Variants in EYS observed in about 807,000 individuals in gnomAD.
EYS encodes EGF-like photoreceptor maintenance factor, also known as protein eyes shut homolog.
A neutral mutation model predicts 282.1 loss-of-function variants in EYS; 250 were observed. The observed-to-expected ratio is 0.89, with a 90% CI of 0.80 to 0.98. The LOEUF is 0.98. Ranked by LOEUF, EYS falls within the 50% of genes least tolerant of loss-of-function variation. EYS has a pLI of 0.00. For synonymous variants in EYS, 1,355 were observed against 1,282.9 expected (o/e 1.06, Z -1.20); for missense variants, 4,016 against 3,709.0 (o/e 1.08, Z -2.15).
chr6:65,525,804 G>C (rs1348949932), intron 2 of EYS, among the ~76,000 whole-genome samples: 1 of 152,176 alleles, frequency 6.6e-6, no homozygotes, highest in Non-Finnish European at 1.5e-5. Flanking sequence ...TAGCTCAGAA[G>C]TCTTGATTGT....
Position 64,559,297 on chromosome 6 carries a change from G to GTGTC in EYS, c.5644+30925_5644+30926insGACA, listed in dbSNP as rs1765327961. ...TGTGTGTGTGTGTGTGTGTGTGTGT[G>GTGTC]TGTGTGTGCTTTTAGAGACCTAGTC... is the stretch of plus-strand genomic sequence containing the variant. On this transcript the variant is annotated intron_variant, in intron 26 of 42. Coordinates refer to ENST00000503581, the MANE Select transcript of EYS (RefSeq NM_001142800.2). 3.3e-5 allele frequency among the ~76,000 whole-genome samples: 5 copies of GTGTC among 151,414 alleles called. No homozygotes were observed. In the South Asian group the frequency reaches 1.0e-3, roughly 32 times the overall value.
At chr6:64,854,430 A>T (rs2150044013) in intron 19 of EYS, among the ~76,000 whole-genome samples, 1 of 152,196 alleles carries the variant, frequency 6.6e-6, no homozygotes, top group African/African-American at 2.4e-5. Flanking sequence ...GGATGAGTTC[A>T]TGTTCTTTGT....
At chr6:64,634,292 T>C (rs1383967013) in intron 22 of EYS, among the ~76,000 whole-genome samples, 1 of 152,212 alleles carries the variant, frequency 6.6e-6, no homozygotes, top group Non-Finnish European at 1.5e-5. Context: ...TAAATGCTTG[T>C]TGTTTAAACA....
At chr6:64,535,375 G>A (rs2149795769) in intron 26 of EYS, among the ~76,000 whole-genome samples, 1 of 152,214 alleles carries the variant, frequency 6.6e-6, no homozygotes, top group African/African-American at 2.4e-5. Flanking sequence ...AACTCAAGTT[G>A]AAGAACAGAA....
intron 41 of EYS, among the ~76,000 whole-genome samples, chr6:63,761,572 AT>A (rs1769642984): frequency 6.6e-6 from 1 of 152,194 alleles, no homozygotes; most frequent in East Asian, 1.9e-4. Context: ...ACACATATGA[AT>A]ATGATACTAC....
At chr6:64,307,797 CCA>C (rs1769510521) in intron 29 of EYS, among the ~76,000 whole-genome samples, 1 of 151,072 alleles carries the variant, frequency 6.6e-6, no homozygotes, top group African/African-American at 2.4e-5. Context: ...ATTTTACTAC[CCA>C]TATGTATCTC....
intron 35 of EYS, among the ~76,000 whole-genome samples, chr6:63,865,223 G>A (rs1772643629): frequency 2.0e-5 from 3 of 152,210 alleles, no homozygotes; most frequent in Admixed American, 2.0e-4. Context: ...TTGCTACACT[G>A]GTAATTGATG....
At chr6:63,825,354 G>T (rs1771431868) in intron 36 of EYS, among the ~76,000 whole-genome samples, 1 of 152,178 alleles carries the variant, frequency 6.6e-6, no homozygotes, top group Non-Finnish European at 1.5e-5. Flanking sequence ...ATAATCTTGG[G>T]AGTTCTAGGG....
intron 13 of EYS, among the ~76,000 whole-genome samples, chr6:65,009,647 G>A (rs1469449251): frequency 2.0e-5 from 3 of 152,026 alleles, no homozygotes; most frequent in African/African-American, 7.2e-5. Context: ...TCTCATACCT[G>A]GACACTCTTG....
chr6:64,432,754 T>C (rs1200666589), intron 28 of EYS, among the ~76,000 whole-genome samples: 2 of 151,952 alleles, frequency 1.3e-5, no homozygotes, highest in African/African-American at 4.8e-5. Context: ...ATGTTCTACC[T>C]GGTGGTGTTC....
At chr6:63,941,795 A>T (rs1181559231) in intron 35 of EYS, among the ~76,000 whole-genome samples, 2 of 152,168 alleles carry the variant, frequency 1.3e-5, no homozygotes, top group African/African-American at 4.8e-5. Context: ...TACAGCTGCT[A>T]AGCTACTAGG....
intron 8 of EYS, among the ~76,000 whole-genome samples, chr6:65,375,789 A>G (rs566836467): frequency 6.6e-6 from 1 of 152,154 alleles, no homozygotes; most frequent in South Asian, 2.1e-4. Context: ...GAGATTGAAG[A>G]TCAACTTAAT....
At chr6:64,926,206 G>T (rs912404594) in intron 15 of EYS, among the ~76,000 whole-genome samples, 1 of 152,200 alleles carries the variant, frequency 6.6e-6, no homozygotes, top group Admixed American at 6.5e-5. Flanking sequence ...GAGCACCCAA[G>T]TACTGTGCCT....
rs1262086655 is a variant in EYS, at chr6:65,356,875, C to T, written c.1300-3258G>A. 2.0e-5 allele frequency among the ~76,000 whole-genome samples: 3 copies of T among 152,018 alleles called. No homozygotes were observed. The East Asian group carries it at 5.8e-4, about 29-fold the overall frequency. On this transcript the variant is annotated intron_variant, in intron 8 of 42. Coordinates refer to ENST00000503581, the MANE Select transcript of EYS (RefSeq NM_001142800.2). ...CTCTGATTCTGACCTCTCATTTATACCTTGTGTGTTCATGTGAGGATGCTG... is the reference window on the plus strand; with the variant it reads ...CTCTGATTCTGACCTCTCATTTATATCTTGTGTGTTCATGTGAGGATGCTG...
At chr6:65,584,038 G>A (rs1243072440) in intron 2 of EYS, among the ~76,000 whole-genome samples, 1 of 151,786 alleles carries the variant, frequency 6.6e-6, no homozygotes, top group African/African-American at 2.4e-5. Flanking sequence ...TTCTAAGGGT[G>A]AATAGGAAAT....
At chr6:64,679,431 A>G (rs930751534) in intron 22 of EYS, among the ~76,000 whole-genome samples, 4 of 152,282 alleles carry the variant, frequency 2.6e-5, no homozygotes, top group Non-Finnish European at 5.9e-5. Flanking sequence ...CCACCAAGTC[A>G]ACTATTGGTA....
At chr6:65,125,683 T>C (rs1775698949) in intron 12 of EYS, among the ~76,000 whole-genome samples, 1 of 152,086 alleles carries the variant, frequency 6.6e-6, no homozygotes, top group African/African-American at 2.4e-5. Context: ...CTCACATCTA[T>C]AAAAAGTGGA....
At chr6:65,426,370 G>A (rs1319358848) in intron 5 of EYS, among the ~76,000 whole-genome samples, 1 of 151,938 alleles carries the variant, frequency 6.6e-6, no homozygotes, top group Non-Finnish European at 1.5e-5. Context: ...AAATACAGGG[G>A]TAACCTTGCA....
At chr6:64,312,054 C>T (rs1006490732) in intron 29 of EYS, among the ~76,000 whole-genome samples, 7 of 150,642 alleles carry the variant, frequency 4.6e-5, no homozygotes, top group African/African-American at 1.7e-4. Flanking sequence ...TGCAAAGGGG[C>T]CTGAAACCAG....
Sources: gnomAD v4.1 joint callset for allele counts (sites outside exome capture counted in the v4.1 genomes callset) on GRCh38, gnomAD v4.1.1 for gene constraint, MANE v1.5 for transcripts, NCBI Gene and HGNC (gene_info 2026-07-23, HGNC 2026-07-21) for gene names.